DZIP3: variants seen among roughly 807,000 people sequenced by gnomAD.
The protein encoded by DZIP3 is DAZ interacting zinc finger protein 3.
A neutral mutation model predicts 162.0 loss-of-function variants in DZIP3; 118 were observed. The ratio of observed to expected loss-of-function variants is 0.73; its 90% CI spans 0.63 to 0.85. The LOEUF is 0.85. Ranked by LOEUF, DZIP3 falls within the 40% of genes least tolerant of loss-of-function variation. The pLI is 0.00. For synonymous variants in DZIP3, 438 were observed against 458.6 expected (o/e 0.96, Z 0.57); for missense variants, 1,331 against 1,407.0 (o/e 0.95, Z 0.86).
At chr3:108,631,062 C>A in intron 8 of DZIP3, among the ~76,000 whole-genome samples, 1 of 134,674 alleles carries the variant, frequency 7.4e-6, no homozygotes, top group Non-Finnish European at 1.6e-5. Context: ...CACACTCTCT[C>A]TCTCTCTCTC....
chr3:108,657,124 G>C (rs1943166727), intron 19 of DZIP3, among the ~76,000 whole-genome samples: 2 of 152,162 alleles, frequency 1.3e-5, no homozygotes, highest in African/African-American at 4.8e-5. Flanking sequence ...TTCAAACTTA[G>C]GAAATACAGA....
chr3:108,684,150 C>T (rs762313756), intron 26 of DZIP3, 66 bp from the exon 27 acceptor site: 4 of 1,514,864 alleles, frequency 2.6e-6, no homozygotes, highest in Non-Finnish European at 3.6e-6. Flanking sequence ...TAGATGATTG[C>T]CTAAATAAAT....
intron 5 of DZIP3, among the ~76,000 whole-genome samples, chr3:108,617,352 TGTC>T (rs888552365): frequency 8.5e-5 from 13 of 152,192 alleles, no homozygotes; most frequent in African/African-American, 2.9e-4. Flanking sequence ...TATTTTATAA[TGTC>T]GTATATGATA....
rs1426377282 is a variant in DZIP3, at chr3:108,646,539, T to C, written c.1760-78T>C. 6 of 1,003,790 alleles carry C rather than the reference T, an allele frequency of 6.0e-6. No homozygotes were observed. The Admixed American group carries it at 1.2e-4, about 20-fold the overall frequency. 62.2% of individuals were successfully genotyped at this position (1,003,790 alleles called of 1,614,324 possible). A position where few individuals can be genotyped will look rare whatever the true frequency, so the allele number is the denominator to read the frequency against. ...AATAAATTGGTGCAATATAAAAATA[T>C]TCTGCCTTAATCCTAGCCAGACATT... is the stretch of plus-strand genomic sequence containing the variant. On this transcript the variant is annotated intron_variant, in intron 14 of 32. Coordinates refer to ENST00000361582, the MANE Select transcript of DZIP3 (RefSeq NM_014648.4).
chr3:108,678,374 A>G (rs537946926), intron 26 of DZIP3, among the ~76,000 whole-genome samples: 1 of 152,018 alleles, frequency 6.6e-6, no homozygotes, highest in African/African-American at 2.4e-5. Context: ...GTTCTTGAAA[A>G]AATTATCTTC....
intron 5 of DZIP3, among the ~76,000 whole-genome samples, chr3:108,622,849 TCTCTC>T (rs1941419051): frequency 1.1e-5 from 1 of 94,424 alleles, no homozygotes; most frequent in East Asian, 2.2e-4. Flanking sequence ...TCTCTCTCTC[TCTCTC>T]TCTCTCTCTC....
At chr3:108,622,880 C>CTCTGTGTGTGTGTGTG (rs796232998) in intron 5 of DZIP3, among the ~76,000 whole-genome samples, 5 of 53,082 alleles carry the variant, frequency 9.4e-5, no homozygotes, top group African/African-American at 3.9e-4. Context: ...CTCTCTCTCT[C>CTCTGTGTGTGTGTGTG]TGTGTGTGTG....
At chr3:108,673,698 A>G (rs1294131374) in intron 23 of DZIP3, among the ~76,000 whole-genome samples, 3 of 152,088 alleles carry the variant, frequency 2.0e-5, no homozygotes, top group South Asian at 4.1e-4. Context: ...GTGTTCTCAA[A>G]CTTTACTGCA....
Position 108,644,700 on chromosome 3 carries a change from C to T in DZIP3, c.1678C>T (p.Leu560Phe), listed in dbSNP as rs751637919. The change falls in exon 14 of 33, where the codon CTT (leucine) becomes TTT (phenylalanine). Residue 560 changes from leucine to phenylalanine, a missense_variant. Physicochemically the swap from Leu to Phe is conservative, Grantham distance 22. This residue lies in a region of DZIP3 where 1,278 missense variants were observed against 1,317.1 expected (regional missense o/e 0.97). Coordinates refer to ENST00000361582, the MANE Select transcript of DZIP3 (RefSeq NM_014648.4). ...VKENPIENIS[L>F]DYHQLSVYLG... is the part of the protein sequence containing the mutation. ...GGAGAATCCCATTGAGAATATCTCC[C>T]TTGATTACCATCAGCTATCTGTCTA... 5.0e-6 allele frequency: 8 copies of T among 1,613,262 alleles called. No homozygotes were observed. The highest frequency in any genetic ancestry group is 6.8e-6 in the Non-Finnish European group (8 of 1,179,862).
Position 108,648,948 on chromosome 3 carries a change from A to G in DZIP3, c.1993A>G (p.Thr665Ala), listed in dbSNP as rs1017471945. The change falls in exon 17 of 33, where the codon ACT (threonine) becomes GCT (alanine). Residue 665 changes from threonine to alanine, a missense_variant. Coordinates refer to ENST00000361582, the MANE Select transcript of DZIP3 (RefSeq NM_014648.4). ...GAGTAAACAAAGGAAAAAGAAGAAGACTAAGAATAAAAAGGTAAGAGACTA... is the reference window on the plus strand; with the variant it reads ...GAGTAAACAAAGGAAAAAGAAGAAGGCTAAGAATAAAAAGGTAAGAGACTA... The part of the protein sequence containing the change: ...VKSKQRKKKK[T>A]KNKKNKDSKE... 2 of 1,165,138 alleles carry G rather than the reference A, an allele frequency of 1.7e-6. No individual in the cohort carries two copies. The highest frequency in any genetic ancestry group is 5.2e-5 in the East Asian group (1 of 19,078). The allele number at this position is 1,165,138 out of a possible 1,614,324, so 72.2% of individuals were successfully genotyped here.
At chr3:108,689,525 T>C (rs1262371921) in intron 31 of DZIP3, among the ~76,000 whole-genome samples, 1 of 151,926 alleles carries the variant, frequency 6.6e-6, no homozygotes, top group Non-Finnish European at 1.5e-5. Flanking sequence ...CTACTAAAAA[T>C]ACAGAAACAA....
chr3:108,634,969 T>C lies in DZIP3; in HGVS notation c.915T>C (p.Asp305=). 1 of 1,577,026 alleles carries C rather than the reference T, an allele frequency of 6.3e-7. No homozygotes were observed. Among genetic ancestry groups the C allele is most frequent in the East Asian group, 2.3e-5 (1 of 43,950 alleles). The change falls in exon 10 of 33, where the codon GAT becomes GAC. Residue 305 remains aspartate (D), a synonymous_variant. Coordinates refer to ENST00000361582, the MANE Select transcript of DZIP3 (RefSeq NM_014648.4). ...ATTTAAAGTATCCAGGTGAAAATGA[T>C]CAGGTATTATATTCGTTCTTAAAAC... The part of the protein sequence containing the change: ...FKNLKYPGEN[D]QSFSGKKCLK...
intron 1 of DZIP3, among the ~76,000 whole-genome samples, chr3:108,591,633 T>C (rs1576330344): frequency 6.6e-6 from 1 of 152,350 alleles, no homozygotes; most frequent in East Asian, 1.9e-4. Flanking sequence ...TTGACATTTT[T>C]AATCAGAGAT....
chr3:108,620,694 G>A (rs1941286598), intron 5 of DZIP3, among the ~76,000 whole-genome samples: 1 of 152,126 alleles, frequency 6.6e-6, no homozygotes, highest in Admixed American at 6.5e-5. Context: ...ATTTTTATAC[G>A]AAGGAAATAT....
rs1009426542 is a variant in DZIP3, at chr3:108,682,411, TA to T, written c.2884-1804del. On this transcript the variant is annotated intron_variant, in intron 26 of 32. Coordinates refer to ENST00000361582, the MANE Select transcript of DZIP3 (RefSeq NM_014648.4). ...AGGTTGGATAAAGAAAATGTATATA[TA>T]CACAATGAAATACTACTTAGTCATA... Among the ~76,000 whole-genome samples the T allele has an allele frequency of 6.0e-5, 9 of 150,948 alleles. 3 individuals are homozygous for T. Among genetic ancestry groups the T allele is most frequent in the African/African-American group, 2.2e-4 (9 of 40,280 alleles).
Position 108,688,042 on chromosome 3 carries a change from A to G in DZIP3, c.3216A>G (p.Thr1072=). The G allele has an allele frequency of 1.9e-6, 3 of 1,613,710 alleles. No homozygotes were observed. Among genetic ancestry groups the G allele is most frequent in the South Asian group, 1.1e-5 (1 of 91,072 alleles). ...DAYGKSLSEL[T]FDEIVCKISQ... ...ATGGAAAATCCTTGTCTGAACTGACATTTGATGAAATTGTTTGCAAGATTT... is the reference window on the plus strand; with the variant it reads ...ATGGAAAATCCTTGTCTGAACTGACGTTTGATGAAATTGTTTGCAAGATTT... Residue 1072 remains threonine, a synonymous_variant, in exon 29 of 33, where the codon ACA becomes ACG. Coordinates refer to ENST00000361582, the MANE Select transcript of DZIP3 (RefSeq NM_014648.4).
chr3:108,647,867 G>A (rs1249928085), intron 15 of DZIP3, 76 bp from the exon 16 acceptor site: 5 of 1,236,558 alleles, frequency 4.0e-6, no homozygotes, highest in Non-Finnish European at 5.5e-6. Flanking sequence ...TGCTTTTTTG[G>A]GCAAACATTA....
chr3:108,589,689 G>T, upstream of DZIP3: 1 of 261,938 alleles, frequency 3.8e-6, no homozygotes, highest in South Asian at 5.2e-5. Context: ...GATTTCTCGG[G>T]AGAGGAATCG....
chr3:108,648,213 A>G lies in DZIP3; in HGVS notation c.1962+101A>G, dbSNP rs1194138095. Reference sequence around the variant, plus strand: ...AGCATCCCAGATAATTTTAGCTTATATTTTCATAGTGTTTATACAGAGCTT... The same window carrying G: ...AGCATCCCAGATAATTTTAGCTTATGTTTTCATAGTGTTTATACAGAGCTT... On this transcript the variant is annotated intron_variant, in intron 16 of 32. Coordinates refer to ENST00000361582, the MANE Select transcript of DZIP3 (RefSeq NM_014648.4). 18 of 1,182,726 alleles carry G rather than the reference A, an allele frequency of 1.5e-5. No individual in the cohort carries two copies. The East Asian group carries it at 4.6e-4, about 30-fold the overall frequency. 73.3% of individuals were successfully genotyped at this position (1,182,726 alleles called of 1,614,324 possible). A position where few individuals can be genotyped will look rare whatever the true frequency, so the allele number is the denominator to read the frequency against.
Sources: allele counts gnomAD v4.1 joint callset (sites outside exome capture counted in the v4.1 genomes callset), GRCh38; gene constraint gnomAD v4.1.1; regional missense constraint gnomAD v4.1.1; transcripts MANE v1.5; gene names NCBI Gene and HGNC (gene_info 2026-07-23, HGNC 2026-07-21).